NTPCR: variants seen among roughly 807,000 people sequenced by gnomAD.
NTPCR encodes nucleoside-triphosphatase, cancer-related, also known as cancer-related nucleoside-triphosphatase.
In NTPCR, 15 loss-of-function variants were observed where a neutral mutation model predicts 19.5. The observed-to-expected ratio is 0.77, with a 90% confidence interval of 0.51 to 1.18. The LOEUF is 1.18. Ranked by LOEUF, NTPCR falls within the 50% of genes most tolerant of loss-of-function variation. The pLI, the probability that NTPCR is intolerant of heterozygous loss-of-function variation, is 0.00. For missense variants in NTPCR, 206 were observed against 240.4 expected, an observed-to-expected ratio of 0.86 and a Z score of 0.95; for synonymous variants, 90 against 95.8, an observed-to-expected ratio of 0.94 and a Z score of 0.36.
intron 1 of NTPCR, among the ~76,000 whole-genome samples, chr1:232,951,810 C>T (rs986626110): frequency 5.3e-5 from 8 of 152,084 alleles, no homozygotes; most frequent in Non-Finnish European, 1.0e-4. Flanking sequence ...TTGAGAAATG[C>T]CTGCTATCTA....
Position 232,970,035 on chromosome 1 carries a change from C to G in NTPCR, c.421C>G (p.Leu141Val). Residue 141 changes from leucine (L) to valine (V), a missense_variant, in exon 4 of 5, where the codon CTT becomes GTT. Physicochemically the swap from Leu to Val is conservative, Grantham distance 32. Coordinates refer to ENST00000366628, the MANE Select transcript of NTPCR (RefSeq NM_032324.3). ...GCTGTCTACCCCAGGGACTATAATCCTTGGCACAATCCCAGTTCCTAAAGG... is the reference window on the plus strand; with the variant it reads ...GCTGTCTACCCCAGGGACTATAATCGTTGGCACAATCCCAGTTCCTAAAGG... ...QTLSTPGTII[L>V]GTIPVPKGKP... is the part of the protein sequence containing the mutation. 1.2e-6 allele frequency: 2 copies of G among 1,614,184 alleles called. No individual in the cohort carries two copies. The highest frequency in any genetic ancestry group is 3.3e-5 in the Admixed American group (2 of 60,026).
At chr1:232,971,899 A>C (rs1668993568) in intron 4 of NTPCR, among the ~76,000 whole-genome samples, 1 of 152,202 alleles carries the variant, frequency 6.6e-6, no homozygotes, top group Non-Finnish European at 1.5e-5. Flanking sequence ...TAGAGTTTCC[A>C]TGGAAATCAA....
chr1:232,982,300 G>A lies in NTPCR; in HGVS notation c.*4069G>A, dbSNP rs550845178. ...TCAAACAGCCCCCAAGAATCCTGGG[G>A]TGACTCCAATACTGCCACCTTTTCT... On this transcript the variant is annotated 3_prime_UTR_variant, in exon 5 of 5. Transcript: ENST00000366628. The A allele has an allele frequency of 9.8e-5, 15 of 152,316 alleles. No individual in the cohort carries two copies. The highest frequency in any genetic ancestry group is 3.4e-4 in the African/African-American group (14 of 41,574). The allele number at this position is 152,316 out of a possible 1,614,324, so 9.4% of individuals were successfully genotyped here. A position where few individuals can be genotyped will look rare whatever the true frequency, so the allele number is the denominator to read the frequency against.
intron 3 of NTPCR, chr1:232,967,417 C>T (rs970969224): frequency 3.3e-4 from 50 of 152,166 alleles, no homozygotes; most frequent in African/African-American, 1.2e-3. Flanking sequence ...ATAAAATTCC[C>T]CAATTCTGGA....
intron 3 of NTPCR, chr1:232,965,789 C>G (rs960776866): frequency 9.2e-5 from 14 of 152,228 alleles, no homozygotes; most frequent in African/African-American, 3.1e-4. Context: ...TTGGAAAACC[C>G]CATGGCTACC....
At chr1:232,959,831 T>C (rs1668618442) in intron 3 of NTPCR, among the ~76,000 whole-genome samples, 1 of 152,134 alleles carries the variant, frequency 6.6e-6, no homozygotes, top group African/African-American at 2.4e-5. Flanking sequence ...TGTGTGTGTG[T>C]GTTTTAATAC....
At chr1:232,976,381 A>C in intron 4 of NTPCR, 5 of 1,549,632 alleles carry the variant, frequency 3.2e-6, no homozygotes, top group Non-Finnish European at 4.4e-6. Context: ...CAAATTCTCC[A>C]GCTGTGTATC....
intron 3 of NTPCR, chr1:232,964,375 T>A (rs1268782936): frequency 6.6e-6 from 1 of 152,240 alleles, no homozygotes; most frequent in Non-Finnish European, 1.5e-5. Flanking sequence ...GATTACCTGA[T>A]CAAGGACTTG....
In NTPCR at chr1:232,982,465, G is replaced by A. The variant is rs1483690592; in HGVS notation, c.*4234G>A. On this transcript the variant is annotated 3_prime_UTR_variant, in exon 5 of 5. Transcript: ENST00000366628. Reference sequence around the variant, plus strand: ...GTGACCTTAGTGTTGTAGATACACTGTGTCACTTTCATCCTCCCTCCTCCC... The same window carrying A: ...GTGACCTTAGTGTTGTAGATACACTATGTCACTTTCATCCTCCCTCCTCCC... 2 of 152,258 alleles carry A rather than the reference G, an allele frequency of 1.3e-5. No individual in the cohort carries two copies. The highest frequency in any genetic ancestry group is 2.9e-5 in the Non-Finnish European group (2 of 68,068). The allele number at this position is 152,258 out of a possible 1,614,324, so 9.4% of individuals were successfully genotyped here. A position where few individuals can be genotyped will look rare whatever the true frequency, so the allele number is the denominator to read the frequency against.
chr1:232,962,717 G>C (rs909170501), intron 3 of NTPCR: 1 of 152,180 alleles, frequency 6.6e-6, no homozygotes, highest in Non-Finnish European at 1.5e-5. Flanking sequence ...GCTAAAATCA[G>C]AACACCCAGG....
chr1:232,976,514 G>A, intron 4 of NTPCR: 1 of 1,534,000 alleles, frequency 6.5e-7, no homozygotes, highest in South Asian at 1.2e-5. Context: ...TACCTCAGGT[G>A]GATTCCTTGA....
chr1:232,960,636 C>G (rs1406081178), intron 3 of NTPCR, among the ~76,000 whole-genome samples: 1 of 152,124 alleles, frequency 6.6e-6, no homozygotes, highest in East Asian at 1.9e-4. Context: ...ACCACTGTGC[C>G]TAGCCTGGTT....
chr1:232,956,206 T>C, intron 2 of NTPCR, 141 bp from the exon 3 acceptor site: 1 of 662,984 alleles, frequency 1.5e-6, no homozygotes, highest in Non-Finnish European at 2.7e-6. Context: ...CTGATCAGCT[T>C]TACAGACCAC....
At chr1:232,965,488 CT>C (rs1352647768) in intron 3 of NTPCR, 1 of 152,224 alleles carries the variant, frequency 6.6e-6, no homozygotes, top group Admixed American at 6.5e-5. Flanking sequence ...GCCTTGGCCC[CT>C]GGCTCCTAGG....
At position 232,975,952 on chromosome 1, in the gene NTPCR, G is replaced by A. The variant is rs1428601040; in HGVS notation, c.505-2211G>A. On this transcript the variant is annotated intron_variant, in intron 4 of 4. Transcript: ENST00000366628. ...AAGGCAAAGACTCCTGAGGTTGGCA[G>A]ATGCTGTGATCCTTGTTCTTGCATT... 3.3e-5 allele frequency among the ~76,000 whole-genome samples: 5 copies of A among 152,226 alleles called. No homozygotes were observed. The East Asian group carries it at 9.6e-4, about 29-fold the overall frequency.
chr1:232,969,932 G>A lies in NTPCR; in HGVS notation c.318G>A (p.Gly106=), dbSNP rs1393674664. 1.9e-6 allele frequency: 3 copies of A among 1,614,100 alleles called. No individual in the cohort carries two copies. The South Asian group carries it at 3.3e-5, about 18-fold the overall frequency. The change falls in exon 4 of 5, where the codon GGG becomes GGA. Residue 106 remains glycine, a synonymous_variant. Coordinates refer to ENST00000366628, the MANE Select transcript of NTPCR (RefSeq NM_032324.3). ...AGGCCGACTGCAGCAGTGGCCCAGG[G>A]CAAAGAGTGTGCGTCATCGATGAGA... is the stretch of plus-strand genomic sequence containing the variant. The part of the protein sequence containing the change: ...LRNADCSSGP[G]QRVCVIDEIG...
rs778880339 is a variant in NTPCR at position 232,970,019 on chromosome 1, C to A, written c.405C>A (p.Thr135=). 1.2e-6 allele frequency: 2 copies of A among 1,613,982 alleles called. No individual in the cohort carries two copies. The highest frequency in any genetic ancestry group is 3.3e-5 in the Admixed American group (2 of 60,012). The stretch of plus-strand genomic sequence containing the variant: ...AAGCTGTTCGTCAGACGCTGTCTAC[C>A]CCAGGGACTATAATCCTTGGCACAA... ...FIQAVRQTLS[T]PGTIILGTIP... is the part of the protein sequence containing the mutation. Residue 135 remains threonine (T), a synonymous_variant, in exon 4 of 5, where the codon ACC becomes ACA. Coordinates refer to ENST00000366628, the MANE Select transcript of NTPCR (RefSeq NM_032324.3).
intron 3 of NTPCR, 117 bp from the exon 4 acceptor site, chr1:232,969,791 TC>T (rs1313604591): frequency 9.9e-6 from 8 of 806,966 alleles, no homozygotes; most frequent in Middle Eastern, 3.3e-4. Flanking sequence ...CTTTTTGAAA[TC>T]CAGTAAAAAG....
intron 3 of NTPCR, chr1:232,963,669 A>G (rs1025283883): frequency 1.3e-5 from 2 of 152,220 alleles, no homozygotes; most frequent in African/African-American, 4.8e-5. Flanking sequence ...GAGAAAGTAC[A>G]TACGTGTGTG....
Sources: gnomAD v4.1 joint callset for allele counts (sites outside exome capture counted in the v4.1 genomes callset) on GRCh38, gnomAD v4.1.1 for gene constraint, MANE v1.5 for transcripts, NCBI Gene and HGNC (gene_info 2026-07-23, HGNC 2026-07-21) for gene names.